The following ESR1 variants were observed in gnomAD, a reference collection of about 807,000 sequenced individuals.
ESR1 encodes estrogen receptor 1, also known as estrogen receptor.
In ESR1, 12 loss-of-function variants were observed where a neutral mutation model predicts 52.7. The observed-to-expected ratio is 0.23, with a 90% confidence interval of 0.15 to 0.37. The LOEUF is 0.37. ESR1 is among the 10% of genes least tolerant of loss of function. The pLI, the probability that ESR1 is intolerant of heterozygous loss-of-function variation, is 1.00. For missense variants in ESR1, 584 were observed against 779.7 expected (o/e 0.75, Z 2.99); for synonymous variants, 305 against 316.8 (o/e 0.96, Z 0.39).
intron 2 of ESR1, among the ~76,000 whole-genome samples, chr6:151,879,229 G>A (rs953587724): frequency 2.6e-5 from 4 of 152,172 alleles, no homozygotes; most frequent in Non-Finnish European, 4.4e-5. Flanking sequence ...GTCTCACAGC[G>A]GGAAGGGAGG....
chr6:151,980,349 C>G (rs1353089924), intron 4 of ESR1, among the ~76,000 whole-genome samples: 1 of 152,182 alleles, frequency 6.6e-6, no homozygotes, highest in East Asian at 1.9e-4. Context: ...AGTCTCTTCT[C>G]TCTTTGATGT....
At chr6:151,843,304 G>A (rs1784595237) in intron 2 of ESR1, among the ~76,000 whole-genome samples, 1 of 152,038 alleles carries the variant, frequency 6.6e-6, no homozygotes, top group Non-Finnish European at 1.5e-5. Context: ...AGGATATTTT[G>A]CTATGAGCTG....
At chr6:151,964,922 A>G (rs540874830) in intron 4 of ESR1, among the ~76,000 whole-genome samples, 2 of 152,274 alleles carry the variant, frequency 1.3e-5, no homozygotes, top group South Asian at 4.1e-4. Flanking sequence ...GATTACAGGC[A>G]TGAGCCACCG....
intron 2 of ESR1, among the ~76,000 whole-genome samples, chr6:151,727,042 C>T (rs1248584340): frequency 6.6e-6 from 1 of 151,900 alleles, no homozygotes; most frequent in African/African-American, 2.4e-5. Flanking sequence ...ACTTGGCTAA[C>T]AGCAATTAAA....
At chr6:151,729,311 C>T (rs1782071437) in intron 2 of ESR1, among the ~76,000 whole-genome samples, 1 of 152,018 alleles carries the variant, frequency 6.6e-6, no homozygotes, top group African/African-American at 2.4e-5. Context: ...CTTGGACTTC[C>T]CAGCCTCCAG....
chr6:151,707,524 A>C (rs1191258649), intron 2 of ESR1, among the ~76,000 whole-genome samples: 1 of 152,040 alleles, frequency 6.6e-6, no homozygotes, highest in Non-Finnish European at 1.5e-5. Flanking sequence ...ATACACAGGT[A>C]TATATTTTGC....
At chr6:151,727,116 T>A (rs1042738110) in intron 2 of ESR1, among the ~76,000 whole-genome samples, 3 of 152,190 alleles carry the variant, frequency 2.0e-5, no homozygotes, top group African/African-American at 4.8e-5. Context: ...TTGAGTAACA[T>A]AAATATACCA....
At chr6:151,740,852 A>G (rs1441871874) in intron 2 of ESR1, among the ~76,000 whole-genome samples, 1 of 152,184 alleles carries the variant, frequency 6.6e-6, no homozygotes, top group African/African-American at 2.4e-5. Flanking sequence ...TTCTTTAAAA[A>G]GTGTTGGGAC....
At chr6:151,903,119 G>A (rs1796934918) in intron 3 of ESR1, among the ~76,000 whole-genome samples, 1 of 152,166 alleles carries the variant, frequency 6.6e-6, no homozygotes, top group Admixed American at 6.5e-5. Flanking sequence ...TGTCCCGTAT[G>A]CCTCCCTTCA....
At chr6:151,989,087 A>C (rs541809013) in intron 4 of ESR1, among the ~76,000 whole-genome samples, 70 of 152,270 alleles carry the variant, frequency 4.6e-4, no homozygotes, top group Non-Finnish European at 3.1e-4. Flanking sequence ...TGCATGCCTT[A>C]ATGTATTAAG....
intron 1 of ESR1, among the ~76,000 whole-genome samples, chr6:151,813,773 T>C (rs1409435847): frequency 6.6e-6 from 1 of 152,210 alleles, no homozygotes; most frequent in East Asian, 1.9e-4. Flanking sequence ...TAATGTTCTA[T>C]TTTTTGGAGA....
chr6:151,842,289 G>T (rs1022244650), intron 1 of ESR1, among the ~76,000 whole-genome samples: 1 of 152,124 alleles, frequency 6.6e-6, no homozygotes, highest in African/African-American at 2.4e-5. Context: ...TGAAATAATT[G>T]TATATTCCTG....
intron 1 of ESR1, among the ~76,000 whole-genome samples, chr6:151,667,908 T>C (rs1777885998): frequency 2.0e-5 from 3 of 152,214 alleles, no homozygotes; most frequent in African/African-American, 7.2e-5. Flanking sequence ...TGTATGTACA[T>C]ATTAATCAGC....
chr6:151,689,642 G>A (rs1364745982), upstream of ESR1, among the ~76,000 whole-genome samples: 1 of 152,114 alleles, frequency 6.6e-6, no homozygotes, highest in Admixed American at 6.5e-5. Context: ...TACTTGGCAG[G>A]TGTTCCTCTG....
At chr6:152,115,866 G>A (rs1172755453) in intron 6 of ESR1, among the ~76,000 whole-genome samples, 1 of 152,122 alleles carries the variant, frequency 6.6e-6, no homozygotes, top group Admixed American at 6.6e-5. Context: ...TAGCATCTAG[G>A]CCAGCCCTTC....
chr6:151,765,075 G>C (rs1276801904), intron 2 of ESR1, among the ~76,000 whole-genome samples: 2 of 152,120 alleles, frequency 1.3e-5, no homozygotes, highest in African/African-American at 4.8e-5. Context: ...TATTTTGTTT[G>C]ACATAATATA....
chr6:151,971,472 C>T (rs539272549), intron 4 of ESR1, among the ~76,000 whole-genome samples: 1 of 148,188 alleles, frequency 6.7e-6, no homozygotes, highest in Admixed American at 6.7e-5. Flanking sequence ...AGTTACTTCA[C>T]TTTGAATAGT....
At chr6:151,956,835 T>TATAA (rs58551150) in intron 4 of ESR1, among the ~76,000 whole-genome samples, 29 of 129,258 alleles carry the variant, frequency 2.2e-4, no homozygotes, top group African/African-American at 9.0e-4. Context: ...TATATATAAA[T>TATAA]ATAAATAAAT....
intron 6 of ESR1, among the ~76,000 whole-genome samples, chr6:152,070,270 T>G (rs1554332226): frequency 7.3e-6 from 1 of 137,266 alleles, no homozygotes; most frequent in Non-Finnish European, 1.5e-5. Context: ...GAACTAGAGG[T>G]GCAATCAGGC....
Sources: gnomAD v4.1 joint callset for allele counts (sites outside exome capture counted in the v4.1 genomes callset) on GRCh38, gnomAD v4.1.1 for gene constraint, MANE v1.5 for transcripts, NCBI Gene and HGNC (gene_info 2026-07-23, HGNC 2026-07-21) for gene names.